The following XKR4 variants were observed in gnomAD, a reference collection of about 807,000 sequenced individuals.
The protein encoded by XKR4 is XK related 4.
In XKR4, 12 loss-of-function variants were observed where a neutral mutation model predicts 53.9. The observed-to-expected ratio is 0.22, with a 90% CI of 0.14 to 0.36. XKR4 has a LOEUF of 0.36. Among genes scored for constraint, XKR4 ranks in the 10% least tolerant of loss-of-function variants. The pLI, the probability that XKR4 is intolerant of heterozygous loss-of-function variation, is 1.00. For missense variants in XKR4, 799 were observed against 859.5 expected, an observed-to-expected ratio of 0.93 and a Z score of 0.88; for synonymous variants, 354 against 362.4, an observed-to-expected ratio of 0.98 and a Z score of 0.26.
At chr8:55,392,262 G>A (rs563810570) in intron 2 of XKR4, among the ~76,000 whole-genome samples, 3 of 152,150 alleles carry the variant, frequency 2.0e-5, no homozygotes, top group African/African-American at 7.2e-5. Flanking sequence ...GCTCCTTGGA[G>A]GAATGGTGGG....
intron 2 of XKR4, among the ~76,000 whole-genome samples, chr8:55,481,944 G>C (rs1199796096): frequency 1.3e-5 from 2 of 152,178 alleles, no homozygotes; most frequent in African/African-American, 2.4e-5. Context: ...TTCCACTGTT[G>C]GTGGGACTGT....
chr8:55,178,491 A>G (rs1375464297), intron 1 of XKR4, among the ~76,000 whole-genome samples: 2 of 152,218 alleles, frequency 1.3e-5, no homozygotes, highest in African/African-American at 4.8e-5. Flanking sequence ...GTTTTCTATA[A>G]TAACTATTAT....
intron 1 of XKR4, among the ~76,000 whole-genome samples, chr8:55,177,764 G>A (rs1563475966): frequency 6.6e-6 from 1 of 152,128 alleles, no homozygotes. Flanking sequence ...CATGGCTATT[G>A]TGGACTTTGA....
intron 1 of XKR4, among the ~76,000 whole-genome samples, chr8:55,143,593 G>A (rs1224128368): frequency 6.6e-6 from 1 of 152,116 alleles, no homozygotes; most frequent in Non-Finnish European, 1.5e-5. Flanking sequence ...AGAAGGAAAT[G>A]GCACAGAAGA....
chr8:55,118,511 C>A (rs1047146711), intron 1 of XKR4, among the ~76,000 whole-genome samples: 1 of 152,198 alleles, frequency 6.6e-6, no homozygotes, highest in African/African-American at 2.4e-5. Context: ...AGACCTATCT[C>A]AGAGGACCAA....
chr8:55,364,357 T>G (rs1424835645), intron 2 of XKR4, among the ~76,000 whole-genome samples: 2 of 152,220 alleles, frequency 1.3e-5, no homozygotes. Context: ...GCTGGAAGGA[T>G]GCTCATCATC....
intron 2 of XKR4, among the ~76,000 whole-genome samples, chr8:55,424,819 G>A (rs571118238): frequency 5.3e-5 from 8 of 152,282 alleles, no homozygotes; most frequent in South Asian, 2.1e-4. Context: ...GAACTTCAGC[G>A]TCACTCTCAG....
At chr8:55,339,425 C>T (rs1156768779) in intron 1 of XKR4, among the ~76,000 whole-genome samples, 2 of 152,190 alleles carry the variant, frequency 1.3e-5, no homozygotes, top group Non-Finnish European at 2.9e-5. Context: ...GGCAGAAACA[C>T]TGTTAATTTC....
rs541496796 is a variant in XKR4 at position 55,314,485 on chromosome 8, G to A, written c.807-43193G>A. ...CCATTTGTCCCGACATTCAGCTCCC[G>A]GGGAAACCGCCGTGCTGAGACAAAC... is the stretch of plus-strand genomic sequence containing the variant. On this transcript the variant is annotated intron_variant, in intron 1 of 2. Coordinates refer to ENST00000327381, the MANE Select transcript of XKR4 (RefSeq NM_052898.2). Among the ~76,000 whole-genome samples, 129 of 152,202 alleles carry A rather than the reference G, an allele frequency of 8.5e-4. 1 individual carries two copies. The highest frequency in any genetic ancestry group is 2.3e-3 in the Admixed American group (35 of 15,276).
intron 2 of XKR4, among the ~76,000 whole-genome samples, chr8:55,438,947 C>T (rs904533135): frequency 4.6e-5 from 7 of 152,102 alleles, no homozygotes; most frequent in Non-Finnish European, 1.0e-4. Context: ...GGAGACCAAT[C>T]TGAAATACCC....
intron 1 of XKR4, among the ~76,000 whole-genome samples, chr8:55,224,972 C>T (rs1163893525): frequency 1.3e-5 from 2 of 152,132 alleles, no homozygotes; most frequent in Non-Finnish European, 2.9e-5. Context: ...ATGAACGATA[C>T]ATATGTTGAT....
chr8:55,237,715 C>G (rs867745895), intron 1 of XKR4, among the ~76,000 whole-genome samples: 1 of 152,192 alleles, frequency 6.6e-6, no homozygotes, highest in South Asian at 2.1e-4. Context: ...GGGATGAACA[C>G]TGTGTGATGA....
chr8:55,130,839 G>T (rs1394319814), intron 1 of XKR4, among the ~76,000 whole-genome samples: 1 of 152,102 alleles, frequency 6.6e-6, no homozygotes, highest in Non-Finnish European at 1.5e-5. Flanking sequence ...TCACGGCCTT[G>T]CTACTCCAAG....
intron 1 of XKR4, among the ~76,000 whole-genome samples, chr8:55,301,670 T>TAAAA (rs1170322813): frequency 6.6e-6 from 1 of 152,190 alleles, no homozygotes; most frequent in Non-Finnish European, 1.5e-5. Flanking sequence ...GTTTCCTGAC[T>TAAAA]TTTTAATGAT....
intron 1 of XKR4, among the ~76,000 whole-genome samples, chr8:55,144,805 C>CTATTTTATTTTATTT (rs57869559): frequency 0.064 from 8,894 of 138,948 alleles, 380 homozygotes; most frequent in Middle Eastern, 0.11. Flanking sequence ...AGTATTACCA[C>CTATTTTATTTTATTT]TATTTTATTT....
chr8:55,430,194 G>A (rs559023474), intron 2 of XKR4, among the ~76,000 whole-genome samples: 1 of 152,256 alleles, frequency 6.6e-6, no homozygotes, highest in Admixed American at 6.5e-5. Context: ...CACACACATT[G>A]CTGATGGGAA....
chr8:55,524,200 G>C lies in XKR4; in HGVS notation c.1926G>C (p.Glu642Asp). Residue 642 changes from glutamate (E) to aspartate (D), a missense_variant, in exon 3 of 3, where the codon GAG becomes GAC. By Grantham distance (45) the Glu-to-Asp change is conservative. Around this residue, in one of 3 missense-constraint regions of XKR4, gnomAD observed 269 missense variants for 264.4 expected, o/e 1.02. Transcript: ENST00000327381. ...LQYKDDALIQ[E>D]RLEYETTL ...ACAAAGATGATGCCCTTATTCAGGA[G>C]CGGTTGGAGTACGAAACCACTTTAT... The C allele has an allele frequency of 6.2e-7, 1 of 1,613,984 alleles. No homozygotes were observed.
At chr8:55,511,788 T>C (rs1376494270) in intron 2 of XKR4, among the ~76,000 whole-genome samples, 2 of 152,208 alleles carry the variant, frequency 1.3e-5, no homozygotes, top group Non-Finnish European at 2.9e-5. Flanking sequence ...AATATTATCC[T>C]GTCAAAAGCA....
At chr8:55,219,372 A>G (rs1032542364) in intron 1 of XKR4, among the ~76,000 whole-genome samples, 2 of 152,094 alleles carry the variant, frequency 1.3e-5, no homozygotes, top group African/African-American at 4.8e-5. Context: ...AGGCTCCCCT[A>G]TGGCTTGGAT....
Sources: allele counts gnomAD v4.1 joint callset (sites outside exome capture counted in the v4.1 genomes callset), GRCh38; gene constraint gnomAD v4.1.1; regional missense constraint gnomAD v4.1.1; transcripts MANE v1.5; gene names NCBI Gene and HGNC (gene_info 2026-07-23, HGNC 2026-07-21).